Variants in CCN4 observed in about 807,000 individuals in gnomAD.
The protein encoded by CCN4 is CCN family member 4.
In CCN4, 30 loss-of-function variants were observed where a neutral mutation model predicts 36.7. The ratio of observed to expected loss-of-function variants is 0.82; its 90% CI spans 0.61 to 1.11. The LOEUF (loss-of-function observed/expected upper bound fraction) is 1.11. Ranked by LOEUF, CCN4 falls within the 50% of genes least tolerant of loss-of-function variation. The pLI, the probability that CCN4 is intolerant of heterozygous loss-of-function variation, is 0.00. For synonymous variants in CCN4, 191 were observed against 195.4 expected, an observed-to-expected ratio of 0.98 and a Z score of 0.19; for missense variants, 505 against 504.9, an observed-to-expected ratio of 1.00 and a Z score of 0.00.
At chr8:133,191,334 C>A in intron 1 of CCN4, 121 bp downstream of exon 1, 1 of 1,199,542 alleles carries the variant, frequency 8.3e-7, no homozygotes, top group Non-Finnish European at 1.1e-6. Flanking sequence ...GGAAGGTGGC[C>A]ACTTACAGGG....
In CCN4 at chr8:133,192,342, G is replaced by A. The variant is rs575246936; in HGVS notation, c.69+1129G>A. On this transcript the variant is annotated intron_variant, in intron 1 of 4. Coordinates refer to ENST00000250160, the MANE Select transcript of CCN4 (RefSeq NM_003882.4). The stretch of plus-strand genomic sequence containing the variant: ...AAATAGGAATTCCTCTCAATGCCTC[G>A]GTGTGTGTAATGATGGCGGGGAGTG... Among the ~76,000 whole-genome samples the A allele has an allele frequency of 1.2e-4, 18 of 152,302 alleles. No individual in the cohort carries two copies. The East Asian group carries it at 1.4e-3, about 11-fold the overall frequency.
chr8:133,191,572 A>C (rs1853112761), intron 1 of CCN4, among the ~76,000 whole-genome samples: 2 of 152,046 alleles, frequency 1.3e-5, no homozygotes, highest in South Asian at 4.2e-4. Context: ...CGGGTGGGTC[A>C]CTCACCCTCC....
At chr8:133,201,372 A>G (rs554967984) in intron 1 of CCN4, among the ~76,000 whole-genome samples, 5 of 152,266 alleles carry the variant, frequency 3.3e-5, no homozygotes, top group African/African-American at 1.2e-4. Flanking sequence ...GGAGAGTGCA[A>G]TCTGAATGTG....
At chr8:133,198,009 G>A (rs1482446719) in intron 1 of CCN4, among the ~76,000 whole-genome samples, 1 of 152,152 alleles carries the variant, frequency 6.6e-6, no homozygotes, top group Non-Finnish European at 1.5e-5. Flanking sequence ...AGAAGACCAG[G>A]GGGAAATAGC....
chr8:133,202,896 C>T (rs970132050), intron 1 of CCN4, among the ~76,000 whole-genome samples: 2 of 152,234 alleles, frequency 1.3e-5, no homozygotes, highest in African/African-American at 2.4e-5. Flanking sequence ...ACCCGATGCG[C>T]TTTGAAACAA....
rs377427275 is a variant in CCN4, at chr8:133,225,412, A to T, written c.633A>T (p.Ala211=). 6.2e-7 allele frequency: 1 copy of T among 1,605,824 alleles called. No individual in the cohort carries two copies. The highest frequency in any genetic ancestry group is 2.2e-5 in the East Asian group (1 of 44,644). The stretch of plus-strand genomic sequence containing the variant: ...CAGATGCTGTGGGTGAGGTGGAGGC[A>T]TGGCACAGGAACTGCATAGCCTACA... ...GAFDAVGEVE[A]WHRNCIAYTS... The change falls in exon 4 of 5, where the codon GCA becomes GCT. Residue 211 remains alanine (A), a synonymous_variant. Coordinates refer to ENST00000250160, the MANE Select transcript of CCN4 (RefSeq NM_003882.4).
chr8:133,224,671 A>G (rs1258639812), intron 3 of CCN4, among the ~76,000 whole-genome samples: 1 of 152,086 alleles, frequency 6.6e-6, no homozygotes, highest in African/African-American at 2.4e-5. Flanking sequence ...GTGGTGGCTT[A>G]TGCCTGTAAT....
At chr8:133,200,410 G>A (rs1185447621) in intron 1 of CCN4, among the ~76,000 whole-genome samples, 1 of 152,180 alleles carries the variant, frequency 6.6e-6, no homozygotes, top group African/African-American at 2.4e-5. Flanking sequence ...GAACAAGCCC[G>A]AGCTCAATGA....
At chr8:133,217,290 G>T (rs1854352764) in intron 2 of CCN4, among the ~76,000 whole-genome samples, 2 of 152,342 alleles carry the variant, frequency 1.3e-5, no homozygotes, top group South Asian at 2.1e-4. Context: ...CTACAACAAG[G>T]CATGGCCCAC....
chr8:133,210,386 G>GGTGTGTGTGTGTGTGT (rs71299053), intron 1 of CCN4, among the ~76,000 whole-genome samples: 4 of 145,588 alleles, frequency 2.7e-5, no homozygotes, highest in African/African-American at 1.0e-4. Flanking sequence ...CAAAAAGAGG[G>GGTGTGTGTGTGTGTGT]GTGTGTGTGT....
At chr8:133,204,376 G>C (rs1369838624) in intron 1 of CCN4, among the ~76,000 whole-genome samples, 1 of 152,052 alleles carries the variant, frequency 6.6e-6, no homozygotes, top group Non-Finnish European at 1.5e-5. Context: ...ACATGGGTGT[G>C]GGTTGTACAA....
chr8:133,213,166 C>G lies in CCN4; in HGVS notation c.349+23C>G, dbSNP rs773657064. On this transcript the variant is annotated intron_variant, in intron 2 of 4. Coordinates refer to ENST00000250160, the MANE Select transcript of CCN4 (RefSeq NM_003882.4). ...CACGTAAGTGAGTCCTCCATACCTT[C>G]TGACCAGCCCCTGAGCACCCCCAGC... is the stretch of plus-strand genomic sequence containing the variant. 3 of 1,579,854 alleles carry G rather than the reference C, an allele frequency of 1.9e-6. No individual in the cohort carries two copies. In the East Asian group the frequency reaches 6.8e-5, roughly 36 times the overall value.
intron 1 of CCN4, among the ~76,000 whole-genome samples, chr8:133,199,707 C>T (rs752879971): frequency 2.6e-5 from 4 of 152,160 alleles, no homozygotes; most frequent in East Asian, 1.9e-4. Context: ...CATGCACACA[C>T]GCACACACAG....
chr8:133,207,472 C>G (rs1457110190), intron 1 of CCN4, among the ~76,000 whole-genome samples: 2 of 152,216 alleles, frequency 1.3e-5, no homozygotes, highest in Non-Finnish European at 2.9e-5. Flanking sequence ...CCCCAAAATT[C>G]ACATGTGCAC....
In CCN4 at chr8:133,226,548, T is replaced by C. The variant is rs1344267904; in HGVS notation, c.805-863T>C. Among the ~76,000 whole-genome samples the C allele has an allele frequency of 3.9e-5, 6 of 152,356 alleles. No individual in the cohort carries two copies. The East Asian group carries it at 1.2e-3, about 29-fold the overall frequency. On this transcript the variant is annotated intron_variant, in intron 4 of 4. Coordinates refer to ENST00000250160, the MANE Select transcript of CCN4 (RefSeq NM_003882.4). ...TCTGCGCTTGGTATACAGTAAGCATTCCATAGACATCTCTTAACTGAAAAC... is the reference window on the plus strand; with the variant it reads ...TCTGCGCTTGGTATACAGTAAGCATCCCATAGACATCTCTTAACTGAAAAC...
chr8:133,213,293 G>A lies in CCN4; in HGVS notation c.349+150G>A, dbSNP rs943038506. 13 of 995,254 alleles carry A rather than the reference G, an allele frequency of 1.3e-5. No individual in the cohort carries two copies. The Admixed American group carries it at 1.4e-4, about 11-fold the overall frequency. The allele number at this position is 995,254 out of a possible 1,614,324, so 61.7% of individuals were successfully genotyped here. The stretch of plus-strand genomic sequence containing the variant: ...CCCCATGATCAGAGGCCAGAGGCTG[G>A]GTCCTTCCTGGGAAGGGGAGGCAAG... On this transcript the variant is annotated intron_variant, in intron 2 of 4. Transcript: ENST00000250160.
At chr8:133,194,449 G>A (rs1853248912) in intron 1 of CCN4, among the ~76,000 whole-genome samples, 1 of 106,440 alleles carries the variant, frequency 9.4e-6, no homozygotes, top group Non-Finnish European at 1.9e-5. Context: ...TGTGGTGTGT[G>A]TGTGGTATGT....
chr8:133,220,884 T>C lies in CCN4; in HGVS notation c.610+43T>C. The C allele has an allele frequency of 1.9e-6, 3 of 1,565,392 alleles. No individual in the cohort carries two copies. In the South Asian group the frequency reaches 3.5e-5, roughly 18 times the overall value. ...TGGGCTGGGGGTGGGACCCTACAAATGGGTTGTGGACCCTCCTGGAACTCT... is the reference window on the plus strand; with the variant it reads ...TGGGCTGGGGGTGGGACCCTACAAACGGGTTGTGGACCCTCCTGGAACTCT... On this transcript the variant is annotated intron_variant, in intron 3 of 4. Transcript: ENST00000250160.
intron 1 of CCN4, among the ~76,000 whole-genome samples, chr8:133,206,695 C>G (rs1853786895): frequency 6.6e-6 from 1 of 152,158 alleles, no homozygotes; most frequent in South Asian, 2.1e-4. Context: ...GAGGGATGCT[C>G]AGGGGATGAG....
Sources: gnomAD v4.1 joint callset for allele counts (sites outside exome capture counted in the v4.1 genomes callset) on GRCh38, gnomAD v4.1.1 for gene constraint, MANE v1.5 for transcripts, NCBI Gene and HGNC (gene_info 2026-07-23, HGNC 2026-07-21) for gene names.